INIP: variants seen among roughly 807,000 people sequenced by gnomAD.
INIP encodes the protein SOSS complex subunit C.
A neutral mutation model predicts 14.0 loss-of-function variants in INIP; 9 were observed. The ratio of observed to expected loss-of-function variants is 0.64; its 90% CI spans 0.39 to 1.12. INIP has a LOEUF of 1.12. INIP is among the 50% of genes most tolerant of loss of function. INIP has a pLI of 0.01. For missense variants in INIP, 78 were observed against 122.7 expected (o/e 0.64, Z 1.72); for synonymous variants, 37 against 41.5 (o/e 0.89, Z 0.41).
intron 2 of INIP, among the ~76,000 whole-genome samples, chr9:112,703,913 G>A (rs998580641): frequency 9.2e-5 from 14 of 152,264 alleles, no homozygotes; most frequent in Middle Eastern, 3.4e-3. Context: ...ATGCAAAAGG[G>A]AAAGCTAAGA....
At chr9:112,699,247 C>T (rs1427696342) in intron 2 of INIP, among the ~76,000 whole-genome samples, 1 of 151,676 alleles carries the variant, frequency 6.6e-6, no homozygotes, top group East Asian at 1.9e-4. Flanking sequence ...CACTTGGGCT[C>T]AGTGGAATGA....
intron 3 of INIP, among the ~76,000 whole-genome samples, chr9:112,690,608 C>G (rs925364278): frequency 6.6e-6 from 1 of 152,230 alleles, no homozygotes; most frequent in Non-Finnish European, 1.5e-5. Flanking sequence ...GTTCAATTAT[C>G]AGTAGTCACA....
At chr9:112,690,809 G>A (rs554865409) in intron 3 of INIP, among the ~76,000 whole-genome samples, 1 of 152,360 alleles carries the variant, frequency 6.6e-6, no homozygotes, top group South Asian at 2.1e-4. Flanking sequence ...ACACACCATA[G>A]GAACCTTTCA....
chr9:112,689,524 C>A lies in INIP; in HGVS notation c.219+3G>T. 6.2e-7 allele frequency: 1 copy of A among 1,613,542 alleles called. No individual in the cohort carries two copies. Among genetic ancestry groups the A allele is most frequent in the Non-Finnish European group, 8.5e-7 (1 of 1,179,472 alleles). ...AGGCAAGAATGTCAGTTACACTGCT[C>A]ACCTGCAAAGCTGCCTTCTGTTGGG... is the stretch of plus-strand genomic sequence containing the variant. On this transcript the variant is annotated splice_donor_region_variant and intron_variant, in intron 4 of 4. Transcript: ENST00000374242.
chr9:112,716,394 C>A, intron 2 of INIP, 67 bp downstream of exon 2: 1 of 1,457,280 alleles, frequency 6.9e-7, no homozygotes, highest in Non-Finnish European at 9.6e-7. Context: ...GCTAAATTTT[C>A]TCTTATTCAA....
intron 2 of INIP, among the ~76,000 whole-genome samples, chr9:112,696,605 T>C (rs537934686): frequency 6.6e-6 from 1 of 152,312 alleles, no homozygotes; most frequent in Non-Finnish European, 1.5e-5. Flanking sequence ...GGCTCAGTTC[T>C]ACAAGACTGC....
chr9:112,687,515 CT>C lies in INIP; in HGVS notation c.*22del. The C allele has an allele frequency of 1.4e-6, 2 of 1,479,274 alleles. No homozygotes were observed. The highest frequency in any genetic ancestry group is 1.9e-6 in the Non-Finnish European group (2 of 1,059,990). The allele number at this position is 1,479,274 out of a possible 1,614,324, so 91.6% of individuals were successfully genotyped here. ...TTTGGCATTTGATATTACAAAGTCACTTTTCCATCGCAAATGTTTTCTTCAT... is the reference window on the plus strand; with the variant it reads ...TTTGGCATTTGATATTACAAAGTCACTTTCCATCGCAAATGTTTTCTTCAT... On this transcript the variant is annotated 3_prime_UTR_variant, in exon 5 of 5. Transcript: ENST00000374242.
intron 2 of INIP, among the ~76,000 whole-genome samples, chr9:112,695,850 AAGGAGAAGAAGAAGG>A (rs1838071054): frequency 1.3e-5 from 2 of 150,948 alleles, no homozygotes; most frequent in African/African-American, 4.9e-5. Context: ...GGAGAAGAAG[AAGGAGAAGAAGAAGG>A]AGAAGAAGAA....
At chr9:112,690,621 C>T (rs895330024) in intron 3 of INIP, among the ~76,000 whole-genome samples, 2 of 152,210 alleles carry the variant, frequency 1.3e-5, no homozygotes, top group South Asian at 4.1e-4. Flanking sequence ...TAGTCACATG[C>T]TTCAAGGCAG....
rs1305162980 is a variant in INIP at position 112,689,592 on chromosome 9, T to G, written c.154A>C (p.Asn52His). ...TCAGCGTGATCCCGGAAGTCCTTAT[T>G]AAGAGAGGGTCTCGAGAGTGCAATG... Reference protein sequence around the residue: ...ASIALSRPSLNKDFRDHAEQQ... With the variant: ...ASIALSRPSLHKDFRDHAEQQ... Residue 52 changes from asparagine to histidine, a missense_variant, in exon 4 of 5, where the codon AAT (asparagine) becomes CAT (histidine). Physicochemically the swap from Asn to His is moderately conservative, Grantham distance 68 (BLOSUM62 1). Coordinates refer to ENST00000374242, the MANE Select transcript of INIP (RefSeq NM_021218.3). The G allele has an allele frequency of 6.8e-6, 11 of 1,614,020 alleles. No individual in the cohort carries two copies. The highest frequency in any genetic ancestry group is 9.3e-6 in the Non-Finnish European group (11 of 1,180,002).
At chr9:112,695,121 C>T (rs1186051292) in intron 2 of INIP, among the ~76,000 whole-genome samples, 4 of 151,998 alleles carry the variant, frequency 2.6e-5, no homozygotes, top group Non-Finnish European at 4.4e-5. Context: ...AATAGTTGTC[C>T]CCTTTAGCTG....
At chr9:112,692,311 C>T (rs957166572) in intron 3 of INIP, among the ~76,000 whole-genome samples, 1 of 152,124 alleles carries the variant, frequency 6.6e-6, no homozygotes, top group African/African-American at 2.4e-5. Context: ...TTGTTTTAGA[C>T]AGTCTTACTA....
At chr9:112,713,881 G>A (rs528629468) in intron 2 of INIP, among the ~76,000 whole-genome samples, 1 of 152,134 alleles carries the variant, frequency 6.6e-6, no homozygotes, top group Admixed American at 6.5e-5. Context: ...CTACTCAGGA[G>A]GCTGAGGCAG....
chr9:112,715,885 C>CA (rs1224583316), intron 2 of INIP, among the ~76,000 whole-genome samples: 1 of 151,312 alleles, frequency 6.6e-6, no homozygotes, highest in African/African-American at 2.4e-5. Flanking sequence ...AAGACACAAA[C>CA]AAACACATTA....
intron 2 of INIP, among the ~76,000 whole-genome samples, chr9:112,706,067 G>GA (rs1838457313): frequency 6.6e-6 from 1 of 152,266 alleles, no homozygotes; most frequent in South Asian, 2.1e-4. Context: ...GTGAGATAGA[G>GA]ACTTGTTCAA....
At chr9:112,704,325 C>G (rs983173201) in intron 2 of INIP, among the ~76,000 whole-genome samples, 1 of 152,180 alleles carries the variant, frequency 6.6e-6, no homozygotes, top group East Asian at 1.9e-4. Flanking sequence ...CAGTACAGAC[C>G]GGAACCCTGA....
chr9:112,703,887 A>T (rs1838375871), intron 2 of INIP, among the ~76,000 whole-genome samples: 1 of 152,260 alleles, frequency 6.6e-6, no homozygotes, highest in Admixed American at 6.5e-5. Flanking sequence ...GTGATAAGCC[A>T]TGAATTCATA....
At chr9:112,698,173 G>A (rs786979) in intron 2 of INIP, among the ~76,000 whole-genome samples, 21,451 of 151,768 alleles carry the variant, frequency 0.14, 1,893 homozygotes, top group African/African-American at 0.24. Context: ...GCGTGGTGGC[G>A]CGTGCCTGTA....
intron 2 of INIP, among the ~76,000 whole-genome samples, chr9:112,707,487 T>A (rs1838515054): frequency 6.6e-6 from 1 of 151,414 alleles, no homozygotes. Flanking sequence ...CCCACACGTT[T>A]CTTTTTTTTC....
Sources: allele counts gnomAD v4.1 joint callset (sites outside exome capture counted in the v4.1 genomes callset), GRCh38; gene constraint gnomAD v4.1.1; transcripts MANE v1.5; gene names NCBI Gene and HGNC (gene_info 2026-07-23, HGNC 2026-07-21).